CAMK1D: variants seen among roughly 807,000 people sequenced by gnomAD.
CAMK1D encodes the protein calcium/calmodulin-dependent protein kinase type 1D.
A neutral mutation model predicts 47.7 loss-of-function variants in CAMK1D; 9 were observed. The ratio of observed to expected loss-of-function variants is 0.19; its 90% CI spans 0.11 to 0.33. The LOEUF (loss-of-function observed/expected upper bound fraction) is 0.33. Ranked by LOEUF, CAMK1D falls within the 10% of genes least tolerant of loss-of-function variation. The probability of loss-of-function intolerance (pLI) is 1.00; values close to 1 mark genes in which losing one functional copy is unlikely to be tolerated. For missense variants in CAMK1D, 291 were observed against 488.7 expected (o/e 0.60, Z 3.81); for synonymous variants, 184 against 184.9 (o/e 0.99, Z 0.04).
intron 1 of CAMK1D, among the ~76,000 whole-genome samples, chr10:12,501,698 G>T (rs548574747): frequency 1.3e-5 from 2 of 152,316 alleles, no homozygotes; most frequent in South Asian, 2.1e-4. Context: ...AAACATTTGG[G>T]GGTTGTGTGT....
chr10:12,678,152 T>G (rs1840875343), intron 3 of CAMK1D, among the ~76,000 whole-genome samples: 1 of 152,128 alleles, frequency 6.6e-6, no homozygotes, highest in Non-Finnish European at 1.5e-5. Context: ...GCTATAAATT[T>G]TCCTCTTAGC....
At chr10:12,598,799 G>T (rs982305677) in intron 2 of CAMK1D, among the ~76,000 whole-genome samples, 58 of 152,334 alleles carry the variant, frequency 3.8e-4, no homozygotes, top group Non-Finnish European at 2.2e-4. Context: ...ACCTTTTAAC[G>T]CGTATCTTGC....
chr10:12,787,924 C>G (rs1188897733), intron 5 of CAMK1D, among the ~76,000 whole-genome samples: 1 of 152,090 alleles, frequency 6.6e-6, no homozygotes, highest in Non-Finnish European at 1.5e-5. Flanking sequence ...GGCTTGAACC[C>G]AGGAGGTGGA....
intron 1 of CAMK1D, among the ~76,000 whole-genome samples, chr10:12,547,765 G>A (rs2815634): frequency 0.1 from 15,531 of 150,520 alleles, 1,119 homozygotes; most frequent in East Asian, 0.29. Context: ...TGTGTTTGAT[G>A]TTTCTAATTA....
At chr10:12,575,304 G>A (rs1052002533) in intron 2 of CAMK1D, among the ~76,000 whole-genome samples, 15 of 152,060 alleles carry the variant, frequency 9.9e-5, no homozygotes, top group African/African-American at 2.7e-4. Flanking sequence ...TGTTGGCCAG[G>A]CTGATCTTGA....
intron 6 of CAMK1D, among the ~76,000 whole-genome samples, chr10:12,795,447 C>T (rs74118614): frequency 0.047 from 7,231 of 152,250 alleles, 577 homozygotes; most frequent in African/African-American, 0.16. Context: ...CTGAGCGGTC[C>T]ATGAGCAACA....
At chr10:12,422,479 A>G (rs1401625413) in intron 1 of CAMK1D, among the ~76,000 whole-genome samples, 1 of 152,088 alleles carries the variant, frequency 6.6e-6, no homozygotes, top group African/African-American at 2.4e-5. Context: ...TTACGAGGGG[A>G]TGCGATGCCT....
intron 1 of CAMK1D, among the ~76,000 whole-genome samples, chr10:12,462,173 T>G (rs957910714): frequency 1.4e-5 from 2 of 147,902 alleles, no homozygotes; most frequent in Non-Finnish European, 3.0e-5. Context: ...TTTTTTTTTT[T>G]TTTTTTTTTT....
chr10:12,492,259 C>A (rs1834408247), intron 1 of CAMK1D, among the ~76,000 whole-genome samples: 1 of 150,128 alleles, frequency 6.7e-6, no homozygotes, highest in African/African-American at 2.5e-5. Flanking sequence ...GAGCCGCCAT[C>A]ATGGTGAAAT....
At chr10:12,547,336 G>A (rs1275539436) in intron 1 of CAMK1D, among the ~76,000 whole-genome samples, 1 of 152,212 alleles carries the variant, frequency 6.6e-6, no homozygotes, top group Non-Finnish European at 1.5e-5. Flanking sequence ...AAGGTCGACT[G>A]CAGAGAGAAG....
rs1311679477 is a variant in CAMK1D, at chr10:12,463,840, G to A, written c.93-89385G>A. ...GAATCATGGGGTAGGTTTTCCCCAT[G>A]CTGTTCTCGTGATAGTGAGTTCTCA... is the stretch of plus-strand genomic sequence containing the variant. On this transcript the variant is annotated intron_variant, in intron 1 of 10. Transcript: ENST00000619168. 4.6e-5 allele frequency among the ~76,000 whole-genome samples: 7 copies of A among 152,194 alleles called. No homozygotes were observed. In the East Asian group the frequency reaches 1.4e-3, roughly 29 times the overall value.
At chr10:12,657,185 G>C (rs925631025) in intron 2 of CAMK1D, among the ~76,000 whole-genome samples, 1 of 152,152 alleles carries the variant, frequency 6.6e-6, no homozygotes, top group Non-Finnish European at 1.5e-5. Context: ...CCAGCACTTT[G>C]GGAGGCCGAG....
At chr10:12,564,532 T>TATA (rs912136305) in intron 2 of CAMK1D, among the ~76,000 whole-genome samples, 11 of 152,210 alleles carry the variant, frequency 7.2e-5, no homozygotes, top group African/African-American at 1.9e-4. Flanking sequence ...GTTTTTAAGC[T>TATA]ATATAACTGT....
At chr10:12,524,006 C>T (rs1195868609) in intron 1 of CAMK1D, among the ~76,000 whole-genome samples, 1 of 152,226 alleles carries the variant, frequency 6.6e-6, no homozygotes, top group South Asian at 2.1e-4. Context: ...ATTCTCCTGC[C>T]TCAGCCTCCT....
intron 2 of CAMK1D, among the ~76,000 whole-genome samples, chr10:12,600,266 C>T (rs550481172): frequency 1.3e-5 from 2 of 152,330 alleles, no homozygotes; most frequent in Admixed American, 1.3e-4. Context: ...GGGTGGGCCC[C>T]CCTGTTTCTA....
intron 6 of CAMK1D, among the ~76,000 whole-genome samples, chr10:12,795,226 G>A (rs1838145427): frequency 6.6e-6 from 1 of 152,174 alleles, no homozygotes; most frequent in South Asian, 2.1e-4. Context: ...GCAAGGACCA[G>A]AGCAGGGTGC....
chr10:12,484,424 G>T (rs1433995779), intron 1 of CAMK1D, among the ~76,000 whole-genome samples: 1 of 152,222 alleles, frequency 6.6e-6, no homozygotes, highest in Non-Finnish European at 1.5e-5. Context: ...TTTAAACAGG[G>T]ATCACACAAT....
chr10:12,578,362 G>A (rs1837556742), intron 2 of CAMK1D, among the ~76,000 whole-genome samples: 1 of 152,140 alleles, frequency 6.6e-6, no homozygotes, highest in African/African-American at 2.4e-5. Flanking sequence ...CCTGAGGTCA[G>A]GAGTTCGAGA....
chr10:12,654,656 G>C (rs545768332), intron 2 of CAMK1D, among the ~76,000 whole-genome samples: 1 of 152,270 alleles, frequency 6.6e-6, no homozygotes, highest in South Asian at 2.1e-4. Flanking sequence ...ATCCTGAGAG[G>C]AGTAATGGGT....
Sources: allele counts gnomAD v4.1 joint callset (sites outside exome capture counted in the v4.1 genomes callset), GRCh38; gene constraint gnomAD v4.1.1; transcripts MANE v1.5; gene names NCBI Gene and HGNC (gene_info 2026-07-23, HGNC 2026-07-21).